The following KPNB1 variants were observed in gnomAD, a reference collection of about 807,000 sequenced individuals.
KPNB1 encodes the protein karyopherin subunit beta 1.
A neutral mutation model predicts 113.0 loss-of-function variants in KPNB1; 7 were observed. That is an observed-to-expected ratio of 0.06 (90% CI 0.04 to 0.12). KPNB1 has a LOEUF of 0.12. KPNB1 is among the 10% of genes least tolerant of loss of function. The pLI, the probability that KPNB1 is intolerant of heterozygous loss-of-function variation, is 1.00. For synonymous variants in KPNB1, 363 were observed against 378.6 expected, an observed-to-expected ratio of 0.96 and a Z score of 0.48; for missense variants, 400 against 1,054.8, an observed-to-expected ratio of 0.38 and a Z score of 8.60.
intron 21 of KPNB1, 75 bp from the exon 22 acceptor site, chr17:47,682,329 G>A: frequency 1.3e-6 from 1 of 776,904 alleles, no homozygotes. Flanking sequence ...GCATGTAATT[G>A]TAGGAGTCAG....
intron 7 of KPNB1, 59 bp from the exon 8 acceptor site, chr17:47,664,100 G>A: frequency 9.6e-7 from 1 of 1,042,536 alleles, no homozygotes; most frequent in Non-Finnish European, 1.5e-6. Flanking sequence ...AGCCGGGTTG[G>A]GGCAGGGACT....
chr17:47,653,485 G>T (rs1374622408), intron 3 of KPNB1, among the ~76,000 whole-genome samples: 1 of 152,012 alleles, frequency 6.6e-6, no homozygotes, highest in South Asian at 2.1e-4. Flanking sequence ...CAGGTGATCT[G>T]CCTGCCTTGG....
At chr17:47,655,404 G>C (rs1915689900) in intron 3 of KPNB1, among the ~76,000 whole-genome samples, 1 of 152,154 alleles carries the variant, frequency 6.6e-6, no homozygotes, top group Non-Finnish European at 1.5e-5. Flanking sequence ...ACAGTTCTTT[G>C]ATTCTTGGGC....
At chr17:47,678,471 G>C in intron 19 of KPNB1, 58 bp downstream of exon 19, 1 of 1,189,504 alleles carries the variant, frequency 8.4e-7, no homozygotes, top group Non-Finnish European at 1.3e-6. Flanking sequence ...TAGCCAAGTG[G>C]GCTATGTCTG....
intron 5 of KPNB1, among the ~76,000 whole-genome samples, chr17:47,659,874 G>C (rs1235907509): frequency 6.6e-6 from 1 of 151,080 alleles, no homozygotes; most frequent in Non-Finnish European, 1.5e-5. Context: ...CTTCAGCCTG[G>C]GCAACAGTGC....
intron 2 of KPNB1, chr17:47,651,521 A>G (rs540359717): frequency 3.0e-5 from 6 of 196,814 alleles, no homozygotes; most frequent in East Asian, 1.9e-4. Flanking sequence ...ATATGTGCCA[A>G]TTTTTACAAC....
intron 11 of KPNB1, 110 bp downstream of exon 11, chr17:47,669,979 T>C: frequency 2.5e-6 from 2 of 812,922 alleles, no homozygotes; most frequent in Non-Finnish European, 4.0e-6. Flanking sequence ...TTTTTCTGAT[T>C]TTCTTTCTAA....
intron 14 of KPNB1, among the ~76,000 whole-genome samples, chr17:47,674,279 C>T (rs904157183): frequency 7.2e-5 from 11 of 152,122 alleles, no homozygotes; most frequent in Admixed American, 7.2e-4. Context: ...TGAATAAGAG[C>T]TCTAAGGTGA....
At chr17:47,671,842 A>G (rs1172084002) in intron 12 of KPNB1, 1 of 152,040 alleles carries the variant, frequency 6.6e-6, no homozygotes, top group African/African-American at 2.4e-5. Flanking sequence ...CCATATTTTT[A>G]TATAGGATGA....
chr17:47,684,991 G>C lies in KPNB1; in HGVS notation c.*2587G>C, dbSNP rs1013313905. The stretch of plus-strand genomic sequence containing the variant: ...CCCTAGTCTTGGCACATTCCTTCAA[G>C]AATGTAGTTACCGTCTGCTTGGGAA... On this transcript the variant is annotated 3_prime_UTR_variant, in exon 22 of 22. Coordinates refer to ENST00000290158, the MANE Select transcript of KPNB1 (RefSeq NM_002265.6). The C allele has an allele frequency of 6.6e-6, 1 of 152,214 alleles. No homozygotes were observed. The highest frequency in any genetic ancestry group is 1.5e-5 in the Non-Finnish European group (1 of 68,056). 9.4% of individuals were successfully genotyped at this position (152,214 alleles called of 1,614,324 possible). A position where few individuals can be genotyped will look rare whatever the true frequency, so the allele number is the denominator to read the frequency against.
In KPNB1 at chr17:47,658,495, C is replaced by G; in HGVS notation, c.484-13C>G. On this transcript the variant is annotated splice_polypyrimidine_tract_variant and intron_variant, in intron 4 of 21. Transcript: ENST00000290158. ...CTGACTGTATATTCATTGCACTTCT[C>G]TGCTTGTTACAGGACCCAGAGCAGC... 6.2e-7 allele frequency: 1 copy of G among 1,610,090 alleles called. No homozygotes were observed. Among genetic ancestry groups the G allele is most frequent in the African/African-American group, 1.3e-5 (1 of 74,940 alleles).
intron 5 of KPNB1, among the ~76,000 whole-genome samples, chr17:47,659,285 G>T (rs1019806276): frequency 6.6e-6 from 1 of 152,096 alleles, no homozygotes; most frequent in Admixed American, 6.5e-5. Flanking sequence ...GGAGGCAGAG[G>T]TTGCAGTGAG....
At chr17:47,656,543 CTTT>C (rs35834634) in intron 3 of KPNB1, among the ~76,000 whole-genome samples, 1 of 145,484 alleles carries the variant, frequency 6.9e-6, no homozygotes, top group African/African-American at 2.5e-5. Context: ...TTGTATTTTC[CTTT>C]TTTTTTTTTT....
In KPNB1 at chr17:47,649,956, T is replaced by TCCTTCTTTCTCCCTC; in HGVS notation, c.-287_-273dup. ...GCCGCCTCTCACTCACAGCCTCCCT[T>TCCTTCTTTCTCCCTC]CCTTCTTTCTCCCTCCGCCTCCCGA... On this transcript the variant is annotated 5_prime_UTR_variant, in exon 1 of 22. Transcript: ENST00000290158. The TCCTTCTTTCTCCCTC allele has an allele frequency of 1.3e-5, 17 of 1,317,114 alleles. No homozygotes were observed. The highest frequency in any genetic ancestry group is 1.6e-5 in the Non-Finnish European group (17 of 1,037,266). The allele number at this position is 1,317,114 out of a possible 1,614,324, so 81.6% of individuals were successfully genotyped here. A position where few individuals can be genotyped will look rare whatever the true frequency, so the allele number is the denominator to read the frequency against.
chr17:47,660,107 A>C (rs1487056861), intron 5 of KPNB1, among the ~76,000 whole-genome samples: 1 of 152,200 alleles, frequency 6.6e-6, no homozygotes, highest in East Asian at 1.9e-4. Flanking sequence ...ACTGAACAAC[A>C]ACTCCTCATT....
chr17:47,670,884 GC>G (rs1382461897), intron 12 of KPNB1, 52 bp downstream of exon 12: 4 of 1,512,876 alleles, frequency 2.6e-6, no homozygotes, highest in Non-Finnish European at 3.6e-6. Flanking sequence ...AAGTTCTATT[GC>G]CTTCTGTGTG....
At chr17:47,677,705 C>T (rs1449616965) in intron 17 of KPNB1, among the ~76,000 whole-genome samples, 1 of 152,182 alleles carries the variant, frequency 6.6e-6, no homozygotes, top group African/African-American at 2.4e-5. Context: ...TCCCAATAAA[C>T]ACATTGTAAA....
At chr17:47,670,259 T>C (rs770194803) in intron 11 of KPNB1, 2 of 226,660 alleles carry the variant, frequency 8.8e-6, no homozygotes, top group Admixed American at 5.0e-5. Flanking sequence ...TAGGCTAATG[T>C]AATTGGTTAA....
chr17:47,662,413 C>T (rs908530910), intron 6 of KPNB1, among the ~76,000 whole-genome samples: 3 of 151,952 alleles, frequency 2.0e-5, no homozygotes, highest in Non-Finnish European at 4.4e-5. Context: ...GGCGAAACTC[C>T]ATGTCCACAA....
Sources: allele counts gnomAD v4.1 joint callset (sites outside exome capture counted in the v4.1 genomes callset), GRCh38; gene constraint gnomAD v4.1.1; transcripts MANE v1.5; gene names NCBI Gene and HGNC (gene_info 2026-07-23, HGNC 2026-07-21).